Variants in ESRRG observed in about 807,000 individuals in gnomAD.
The protein encoded by ESRRG is estrogen related receptor gamma, also known as estrogen-related receptor gamma.
Under a neutral mutation model 44.0 loss-of-function variants are expected in ESRRG, and 13 were observed. The ratio of observed to expected loss-of-function variants is 0.30; its 90% CI spans 0.19 to 0.47. The LOEUF is 0.47. ESRRG is among the 20% of genes least tolerant of loss of function. The pLI, the probability that ESRRG is intolerant of heterozygous loss-of-function variation, is 1.00. For missense variants in ESRRG, 395 were observed against 580.6 expected, an observed-to-expected ratio of 0.68 and a Z score of 3.29; for synonymous variants, 215 against 214.6, an observed-to-expected ratio of 1.00 and a Z score of -0.02.
chr1:216,672,565 C>A (rs1157995470), intron 2 of ESRRG, among the ~76,000 whole-genome samples: 1 of 152,150 alleles, frequency 6.6e-6, no homozygotes, highest in East Asian at 1.9e-4. Flanking sequence ...GATAACCAAT[C>A]CTAAAAATAA....
intron 3 of ESRRG, among the ~76,000 whole-genome samples, chr1:216,605,393 G>A (rs2059796727): frequency 6.6e-6 from 1 of 152,008 alleles, no homozygotes; most frequent in South Asian, 2.1e-4. Flanking sequence ...AAAAAACAAA[G>A]TGTGAAACAG....
intron 1 of ESRRG, among the ~76,000 whole-genome samples, chr1:216,947,247 G>A (rs564044462): frequency 1.3e-5 from 2 of 152,146 alleles, no homozygotes; most frequent in African/African-American, 4.8e-5. Flanking sequence ...GGTTCTAGGC[G>A]CTTTACATTT....
At chr1:216,991,874 G>T (rs1250181816) in intron 1 of ESRRG, among the ~76,000 whole-genome samples, 2 of 152,122 alleles carry the variant, frequency 1.3e-5, no homozygotes, top group Non-Finnish European at 2.9e-5. Context: ...TGTTTTATTT[G>T]TGCCACTAAA....
At chr1:216,619,302 T>C (rs1273088651) in intron 3 of ESRRG, among the ~76,000 whole-genome samples, 1 of 152,116 alleles carries the variant, frequency 6.6e-6, no homozygotes, top group East Asian at 1.9e-4. Flanking sequence ...CAAAACAAAA[T>C]GTCAAATGAT....
chr1:216,549,878 C>G (rs1277315770), intron 5 of ESRRG, among the ~76,000 whole-genome samples: 1 of 152,058 alleles, frequency 6.6e-6, no homozygotes, highest in Non-Finnish European at 1.5e-5. Context: ...CTTGTAAGTT[C>G]ATTTTTTTTA....
At chr1:216,544,357 A>G (rs1023771219) in intron 5 of ESRRG, among the ~76,000 whole-genome samples, 2 of 152,016 alleles carry the variant, frequency 1.3e-5, no homozygotes, top group African/African-American at 4.8e-5. Flanking sequence ...TTCTTCCTAA[A>G]CAAAGTCTAT....
intron 6 of ESRRG, among the ~76,000 whole-genome samples, chr1:216,516,809 T>G (rs962753184): frequency 6.6e-6 from 1 of 152,114 alleles, no homozygotes; most frequent in Non-Finnish European, 1.5e-5. Context: ...ACATTCAATC[T>G]TGGATCTATA....
chr1:217,011,602 T>G, intron 1 of ESRRG, among the ~76,000 whole-genome samples: 1 of 143,744 alleles, frequency 7.0e-6, no homozygotes, highest in East Asian at 2.0e-4. Context: ...TTTCAGTAGG[T>G]CCAGTCGAGA....
intron 2 of ESRRG, among the ~76,000 whole-genome samples, chr1:216,736,244 G>A (rs1338901947): frequency 1.4e-5 from 2 of 138,798 alleles, no homozygotes; most frequent in South Asian, 2.3e-4. Context: ...GTGCAGTGGC[G>A]CTGTCTCTAC....
At chr1:216,965,590 G>A (rs1454003081) in intron 1 of ESRRG, among the ~76,000 whole-genome samples, 3 of 152,088 alleles carry the variant, frequency 2.0e-5, no homozygotes, top group Non-Finnish European at 4.4e-5. Flanking sequence ...TACTCAAGTG[G>A]TTCTAGGCCT....
intron 3 of ESRRG, among the ~76,000 whole-genome samples, chr1:216,596,551 A>G (rs1343242517): frequency 1.3e-5 from 2 of 152,158 alleles, no homozygotes; most frequent in Non-Finnish European, 2.9e-5. Flanking sequence ...GAGTGGGAGG[A>G]GAACAGACCA....
intron 2 of ESRRG, among the ~76,000 whole-genome samples, chr1:216,665,132 C>T (rs1007015954): frequency 6.6e-6 from 1 of 152,148 alleles, no homozygotes; most frequent in Non-Finnish European, 1.5e-5. Flanking sequence ...ACCACATTCA[C>T]ATAACTTTTA....
At chr1:216,784,884 C>T (rs1208229349) in intron 2 of ESRRG, among the ~76,000 whole-genome samples, 2 of 151,976 alleles carry the variant, frequency 1.3e-5, no homozygotes, top group African/African-American at 4.8e-5. Context: ...CATAATTTGA[C>T]CATCCCTCTT....
In ESRRG at chr1:217,011,221, C is replaced by T. The variant is rs115084578; in HGVS notation, c.-105-71548G>A. Among the ~76,000 whole-genome samples, 388 of 152,276 alleles carry T rather than the reference C, an allele frequency of 2.5e-3. 2 individuals carry two copies. The highest frequency in any genetic ancestry group is 4.0e-3 in the Non-Finnish European group (272 of 68,022). ...ATTGCCTGACTATCACTAAAAGATG[C>T]CAAGTGAATGTGATTTATAAAATCA... On this transcript the variant is annotated intron_variant, in intron 1 of 7. Coordinates refer to the ESRRG transcript ENST00000359162.
chr1:216,959,918 C>T (rs868813612), intron 1 of ESRRG, among the ~76,000 whole-genome samples: 4 of 152,118 alleles, frequency 2.6e-5, no homozygotes, highest in Middle Eastern at 6.8e-3. Flanking sequence ...AACTGTTAAA[C>T]CTCACAAGAA....
chr1:216,975,258 T>C (rs2072625728), intron 1 of ESRRG, among the ~76,000 whole-genome samples: 1 of 152,208 alleles, frequency 6.6e-6, no homozygotes, highest in Non-Finnish European at 1.5e-5. Flanking sequence ...CTATTTCACA[T>C]AGTTCATATT....
At chr1:216,850,957 T>C (rs1051492445) in intron 2 of ESRRG, among the ~76,000 whole-genome samples, 2 of 151,228 alleles carry the variant, frequency 1.3e-5, no homozygotes, top group South Asian at 2.1e-4. Context: ...TTCTGGAAGA[T>C]ACGGCCCTCT....
At chr1:216,827,593 TA>T (rs2148693618) in intron 2 of ESRRG, among the ~76,000 whole-genome samples, 1 of 152,334 alleles carries the variant, frequency 6.6e-6, no homozygotes, top group South Asian at 2.1e-4. Context: ...TCTTCATAAA[TA>T]TAAAACTTAT....
At chr1:216,988,138 C>G (rs1040558066) in intron 1 of ESRRG, among the ~76,000 whole-genome samples, 13 of 152,034 alleles carry the variant, frequency 8.6e-5, no homozygotes, top group African/African-American at 1.9e-4. Flanking sequence ...TTTATTGAAG[C>G]CTTATTAGAG....
Sources: allele counts gnomAD v4.1 joint callset (sites outside exome capture counted in the v4.1 genomes callset), GRCh38; gene constraint gnomAD v4.1.1; transcripts MANE v1.5; gene names NCBI Gene and HGNC (gene_info 2026-07-23, HGNC 2026-07-21).